Variants in THSD7A observed in about 807,000 individuals in gnomAD.
The protein encoded by THSD7A is thrombospondin type-1 domain-containing protein 7A.
A neutral mutation model predicts 231.3 loss-of-function variants in THSD7A; 96 were observed. That is an observed-to-expected ratio of 0.41 (90% confidence interval 0.35 to 0.49). THSD7A has a LOEUF of 0.49. Ranked by LOEUF, THSD7A falls within the 20% of genes least tolerant of loss-of-function variation. The pLI is 0.05. For missense variants in THSD7A, 2,290 were observed against 2,070.2 expected (o/e 1.11, Z -2.06); for synonymous variants, 940 against 743.3 (o/e 1.26, Z -4.30).
intron 23 of THSD7A, among the ~76,000 whole-genome samples, chr7:11,395,720 G>C (rs947527623): frequency 2.0e-5 from 3 of 151,892 alleles, no homozygotes; most frequent in Non-Finnish European, 4.4e-5. Context: ...TAGAGATGGG[G>C]TTTCACCATA....
intron 1 of THSD7A, among the ~76,000 whole-genome samples, chr7:11,654,152 A>T (rs111913717): frequency 6.6e-6 from 1 of 151,908 alleles, no homozygotes; most frequent in African/African-American, 2.4e-5. Context: ...TGGGACCTTG[A>T]TAATTAAATA....
At chr7:11,555,619 C>T (rs989635211) in intron 4 of THSD7A, among the ~76,000 whole-genome samples, 18 of 151,746 alleles carry the variant, frequency 1.2e-4, no homozygotes, top group African/African-American at 4.3e-4. Context: ...TGCTGATTTT[C>T]GTCCTAATTA....
chr7:11,667,622 T>C (rs1285074477), intron 1 of THSD7A, among the ~76,000 whole-genome samples: 1 of 152,226 alleles, frequency 6.6e-6, no homozygotes, highest in East Asian at 1.9e-4. Context: ...ATTACAAAAA[T>C]AGACTTCTGA....
intron 7 of THSD7A, among the ~76,000 whole-genome samples, chr7:11,476,290 T>C (rs1402064463): frequency 3.3e-5 from 5 of 151,032 alleles, no homozygotes; most frequent in African/African-American, 1.2e-4. Flanking sequence ...ATCACTTTTA[T>C]TTAACCAGAA....
rs190091254 is a variant in THSD7A, at chr7:11,455,885, A to C, written c.2605+4777T>G. ...CTTCCCAAATCTTTTGAAATATGTC[A>C]TCACAGATAGTTCCTCCAATTTGAA... On this transcript the variant is annotated intron_variant, in intron 11 of 27. Transcript: ENST00000423059. Among the ~76,000 whole-genome samples, 718 of 152,180 alleles carry C rather than the reference A, an allele frequency of 4.7e-3. 5 individuals are homozygous for C. The highest frequency in any genetic ancestry group is 0.016 in the African/African-American group (679 of 41,550).
intron 6 of THSD7A, among the ~76,000 whole-genome samples, chr7:11,519,545 G>A (rs981837731): frequency 1.3e-5 from 2 of 152,064 alleles, no homozygotes; most frequent in East Asian, 3.9e-4. Context: ...CCACATCCTC[G>A]CTAACTCTTG....
At chr7:11,425,765 CTGAG>C (rs1371253864) in intron 15 of THSD7A, among the ~76,000 whole-genome samples, 9 of 149,242 alleles carry the variant, frequency 6.0e-5, no homozygotes, top group African/African-American at 2.2e-4. Context: ...CACACACACA[CTGAG>C]AGACAGAGAC....
At chr7:11,504,881 A>G (rs963138004) in intron 6 of THSD7A, among the ~76,000 whole-genome samples, 3 of 152,074 alleles carry the variant, frequency 2.0e-5, no homozygotes, top group African/African-American at 7.2e-5. Context: ...TGTATTATTA[A>G]ACTGGCAAAA....
intron 16 of THSD7A, 34 bp from the exon 17 acceptor site, chr7:11,417,637 T>TTC: frequency 6.3e-7 from 1 of 1,585,222 alleles, no homozygotes; most frequent in Non-Finnish European, 8.6e-7. Flanking sequence ...CTAGAAAATA[T>TTC]ACATACATTC....
chr7:11,537,208 A>G (rs944593749), intron 6 of THSD7A, among the ~76,000 whole-genome samples: 4 of 152,200 alleles, frequency 2.6e-5, no homozygotes, highest in African/African-American at 9.6e-5. Flanking sequence ...GCGGAAACAT[A>G]TCTTATTACA....
chr7:11,785,075 G>C (rs1479089370), intron 1 of THSD7A, among the ~76,000 whole-genome samples: 2 of 152,038 alleles, frequency 1.3e-5, no homozygotes, highest in Non-Finnish European at 2.9e-5. Context: ...ACCTCTCCCA[G>C]TCCCATAGCA....
At chr7:11,428,548 A>G (rs953803987) in intron 14 of THSD7A, among the ~76,000 whole-genome samples, 5 of 152,160 alleles carry the variant, frequency 3.3e-5, no homozygotes, top group Non-Finnish European at 7.4e-5. Flanking sequence ...CAAAACCCAT[A>G]TTATTTCTTT....
intron 4 of THSD7A, among the ~76,000 whole-genome samples, chr7:11,576,075 C>G (rs1790889095): frequency 2.0e-5 from 3 of 152,116 alleles, no homozygotes; most frequent in Admixed American, 2.0e-4. Context: ...AGCTTAGAGC[C>G]AGAAGTTGTG....
At chr7:11,724,925 CTCTTCTTCT>C (rs373126536) in intron 1 of THSD7A, among the ~76,000 whole-genome samples, 9 of 151,366 alleles carry the variant, frequency 5.9e-5, no homozygotes, top group Admixed American at 1.3e-4. Context: ...CTAACCTCAT[CTCTTCTTCT>C]TCTTCTTCTT....
At position 11,382,510 on chromosome 7, in the gene THSD7A, T is replaced by G; in HGVS notation, c.4507+11A>C. The G allele has an allele frequency of 6.2e-7, 1 of 1,603,576 alleles. No homozygotes were observed. The highest frequency in any genetic ancestry group is 8.5e-7 in the Non-Finnish European group (1 of 1,171,330). ...AGATTTTCAAAGGACAAAGAGAAACTGGAGGTTTACCTGTTACATTTATAC... is the reference window on the plus strand; with the variant it reads ...AGATTTTCAAAGGACAAAGAGAAACGGGAGGTTTACCTGTTACATTTATAC... On this transcript the variant is annotated intron_variant, in intron 24 of 27. Coordinates refer to ENST00000423059, the MANE Select transcript of THSD7A (RefSeq NM_015204.3).
chr7:11,783,995 T>G (rs960200854), intron 1 of THSD7A, among the ~76,000 whole-genome samples: 4 of 152,078 alleles, frequency 2.6e-5, no homozygotes, highest in Non-Finnish European at 5.9e-5. Context: ...TACTTATTAG[T>G]TTTTTAAATG....
At position 11,805,287 on chromosome 7, in the gene THSD7A, A is replaced by G. The variant is rs137937557; in HGVS notation, c.190+26470T>C. 3.5e-3 allele frequency among the ~76,000 whole-genome samples: 534 copies of G among 152,294 alleles called. 1 individual carries two copies. Among genetic ancestry groups the G allele is most frequent in the Middle Eastern group, 0.02 (6 of 294 alleles). On this transcript the variant is annotated intron_variant, in intron 1 of 27. Transcript: ENST00000423059. ...ATCTCTTTTCTGTATCCTACTGACC[A>G]ATCCCATGGCTGTCAAAATACTAAT...
chr7:11,566,969 G>GGCGGGGGGGGC, intron 4 of THSD7A, among the ~76,000 whole-genome samples: 1 of 84,148 alleles, frequency 1.2e-5, no homozygotes, highest in Non-Finnish European at 2.4e-5. Flanking sequence ...GGAGAGTGGG[G>GGCGGGGGGGGC]GGGGGACTGA....
intron 1 of THSD7A, among the ~76,000 whole-genome samples, chr7:11,786,759 T>TAAAAAAAAAAAA (rs58923353): frequency 9.2e-6 from 1 of 108,648 alleles, no homozygotes; most frequent in Non-Finnish European, 2.0e-5. Context: ...AGTATAATAA[T>TAAAAAAAAAAAA]AAAAAAAAAA....
Sources: allele counts gnomAD v4.1 joint callset (sites outside exome capture counted in the v4.1 genomes callset), GRCh38; gene constraint gnomAD v4.1.1; transcripts MANE v1.5; gene names NCBI Gene and HGNC (gene_info 2026-07-23, HGNC 2026-07-21).